Variants in AGMO observed in about 807,000 individuals in gnomAD.
AGMO encodes glyceryl-ether monooxygenase.
AGMO carries 75 observed loss-of-function variants against 60.2 expected under a neutral mutation model. The ratio of observed to expected loss-of-function variants is 1.25; its 90% CI spans 1.03 to 1.51. AGMO has a LOEUF of 1.51. Ranked by LOEUF, AGMO falls within the 40% of genes most tolerant of loss-of-function variation. The pLI, the probability that AGMO is intolerant of heterozygous loss-of-function variation, is 0.00. For synonymous variants in AGMO, 261 were observed against 177.1 expected, an observed-to-expected ratio of 1.47 and a Z score of -3.76; for missense variants, 763 against 525.5, an observed-to-expected ratio of 1.45 and a Z score of -4.42.
intron 2 of AGMO, among the ~76,000 whole-genome samples, chr7:15,555,469 G>A (rs1035883082): frequency 6.6e-6 from 1 of 151,588 alleles, no homozygotes; most frequent in Non-Finnish European, 1.5e-5. Context: ...GCTCCATCTA[G>A]TGGAATATTG....
At chr7:15,546,273 A>C (rs1450071792) in intron 2 of AGMO, among the ~76,000 whole-genome samples, 3 of 152,180 alleles carry the variant, frequency 2.0e-5, no homozygotes, top group Non-Finnish European at 4.4e-5. Flanking sequence ...GAAATGCCAA[A>C]TGCTCACAAT....
chr7:15,407,277 A>T (rs1381312897), intron 5 of AGMO, among the ~76,000 whole-genome samples: 2 of 147,018 alleles, frequency 1.4e-5, no homozygotes, highest in Non-Finnish European at 3.0e-5. Context: ...ATACTCCATT[A>T]TATTTATATA....
At chr7:15,219,361 GGAT>G (rs1311474526) in intron 12 of AGMO, among the ~76,000 whole-genome samples, 1 of 152,032 alleles carries the variant, frequency 6.6e-6, no homozygotes, top group Non-Finnish European at 1.5e-5. Context: ...ATTTATGAAT[GGAT>G]GATTGCATGA....
intron 5 of AGMO, among the ~76,000 whole-genome samples, chr7:15,416,184 C>T (rs956733373): frequency 1.3e-5 from 2 of 151,790 alleles, no homozygotes; most frequent in Non-Finnish European, 2.9e-5. Context: ...CAGGCACGCA[C>T]CACCACACCC....
intron 3 of AGMO, among the ~76,000 whole-genome samples, chr7:15,497,764 G>T (rs1022778592): frequency 1.3e-5 from 2 of 151,832 alleles, no homozygotes; most frequent in African/African-American, 2.4e-5. Flanking sequence ...TACTAAAATC[G>T]AAAGCCTACA....
intron 12 of AGMO, among the ~76,000 whole-genome samples, chr7:15,361,229 A>G (rs1782739403): frequency 6.6e-6 from 1 of 151,322 alleles, no homozygotes; most frequent in East Asian, 1.9e-4. Flanking sequence ...TCTCTCAAAT[A>G]TTTCCTCTCA....
intron 12 of AGMO, among the ~76,000 whole-genome samples, chr7:15,354,631 A>G (rs1427343755): frequency 6.8e-6 from 1 of 146,104 alleles, no homozygotes; most frequent in African/African-American, 2.5e-5. Flanking sequence ...CTTATATTCT[A>G]AAAATATTCA....
At chr7:15,312,410 G>C (rs1311946021) in intron 12 of AGMO, among the ~76,000 whole-genome samples, 1 of 152,020 alleles carries the variant, frequency 6.6e-6, no homozygotes, top group Non-Finnish European at 1.5e-5. Context: ...TTTCCTTTAA[G>C]TAATTGAGTG....
chr7:15,199,621 T>C (rs1266175239), downstream of AGMO, among the ~76,000 whole-genome samples: 3 of 152,112 alleles, frequency 2.0e-5, no homozygotes, highest in Non-Finnish European at 4.4e-5. Flanking sequence ...AGAATCAGGG[T>C]CTTGAGAATG....
intron 12 of AGMO, among the ~76,000 whole-genome samples, chr7:15,308,703 G>A (rs1014555606): frequency 2.6e-5 from 4 of 152,044 alleles, no homozygotes; most frequent in Admixed American, 2.6e-4. Flanking sequence ...TCCTGTATCT[G>A]TTGATATATT....
the AGMO span, among the ~76,000 whole-genome samples, chr7:15,126,528 C>T: frequency 1.4e-4 from 22 of 152,132 alleles, no homozygotes; most frequent in Non-Finnish European, 2.4e-4. Flanking sequence ...AATAAACTTG[C>T]GGACTAAGCT....
intron 4 of AGMO, 22 bp from the exon 5 acceptor site, chr7:15,418,675 A>G (rs1431332339): frequency 7.0e-7 from 1 of 1,429,436 alleles, no homozygotes; most frequent in Non-Finnish European, 9.6e-7. Flanking sequence ...AATTAAAAAA[A>G]AATTAATTTG....
At chr7:15,354,625 T>C (rs1674110187) in intron 12 of AGMO, among the ~76,000 whole-genome samples, 4 of 145,202 alleles carry the variant, frequency 2.8e-5, no homozygotes, top group African/African-American at 7.5e-5. Context: ...TATACCCTTA[T>C]ATTCTAAAAA....
the AGMO span, among the ~76,000 whole-genome samples, chr7:15,162,595 G>A: frequency 6.6e-6 from 1 of 152,142 alleles, no homozygotes; most frequent in Non-Finnish European, 1.5e-5. Flanking sequence ...CCAGGAGGCT[G>A]AAGTGGGAGG....
the AGMO span, among the ~76,000 whole-genome samples, chr7:15,188,773 G>A: frequency 8.1e-3 from 259 of 32,134 alleles, 1 homozygote; most frequent in East Asian, 0.05. Context: ...AAGACAGTGT[G>A]GTTAGTGTCA....
chr7:15,410,027 A>G (rs934183596), intron 5 of AGMO, among the ~76,000 whole-genome samples: 2 of 151,488 alleles, frequency 1.3e-5, no homozygotes, highest in African/African-American at 4.8e-5. Flanking sequence ...TAGAAATGAT[A>G]CTCATTAAAT....
the AGMO span, among the ~76,000 whole-genome samples, chr7:15,129,803 C>T: frequency 6.6e-6 from 1 of 152,108 alleles, no homozygotes; most frequent in Non-Finnish European, 1.5e-5. Flanking sequence ...TGACAATAAC[C>T]ACAGGCAGAT....
At chr7:15,199,985 G>A (rs1781231942), downstream of AGMO, among the ~76,000 whole-genome samples, 1 of 151,822 alleles carries the variant, frequency 6.6e-6, no homozygotes, top group Admixed American at 6.6e-5. Context: ...CTATATTTTT[G>A]TCCATTCAAA....
intron 8 of AGMO, among the ~76,000 whole-genome samples, chr7:15,390,030 T>C (rs886956925): frequency 6.6e-5 from 10 of 152,122 alleles, no homozygotes; most frequent in African/African-American, 2.4e-4. Flanking sequence ...AGTATTCTTA[T>C]CTTTTTCTCA....
Sources: gnomAD v4.1 joint callset for allele counts (sites outside exome capture counted in the v4.1 genomes callset) on GRCh38, gnomAD v4.1.1 for gene constraint, MANE v1.5 for transcripts, NCBI Gene and HGNC (gene_info 2026-07-23, HGNC 2026-07-21) for gene names.